Variants in SMCP observed in about 807,000 individuals in gnomAD.
SMCP encodes sperm mitochondrial-associated cysteine-rich protein.
For missense variants in SMCP, 137 were observed against 137.1 expected, an observed-to-expected ratio of 1.00 and a Z score of 0.01; for synonymous variants, 41 against 46.9, an observed-to-expected ratio of 0.87 and a Z score of 0.51.
At chr1:152,881,822 G>T (rs1649064036) in intron 1 of SMCP, among the ~76,000 whole-genome samples, 1 of 152,212 alleles carries the variant, frequency 6.6e-6, no homozygotes, top group Non-Finnish European at 1.5e-5. Context: ...AAGGCAAAGG[G>T]GAAGGACCTT....
chr1:152,884,368 T>C (rs1271555923), intron 1 of SMCP, 35 bp from the exon 2 acceptor site: 2 of 1,561,214 alleles, frequency 1.3e-6, no homozygotes, highest in African/African-American at 1.4e-5. Context: ...GCACCCAGAT[T>C]TCCTTCTGAT....
chr1:152,879,401 A>G (rs1648966565), intron 1 of SMCP, among the ~76,000 whole-genome samples: 1 of 152,000 alleles, frequency 6.6e-6, no homozygotes, highest in Non-Finnish European at 1.5e-5. Context: ...TTGTATTTTC[A>G]GTAGAGATGG....
chr1:152,880,394 A>G (rs964722368), intron 1 of SMCP, among the ~76,000 whole-genome samples: 4 of 152,148 alleles, frequency 2.6e-5, no homozygotes, highest in Admixed American at 2.0e-4. Context: ...TTCCTGTCAA[A>G]CAGCTTTGAA....
In SMCP at chr1:152,878,597, A is replaced by G. The variant is rs2101621213; in HGVS notation, c.-21+151A>G. Among the ~76,000 whole-genome samples the G allele has an allele frequency of 1.3e-5, 2 of 152,344 alleles. 1 individual carries two copies. Among genetic ancestry groups the G allele is most frequent in the Middle Eastern group, 6.8e-3 (2 of 294 alleles). The stretch of plus-strand genomic sequence containing the variant: ...CCAGGATTCATCCTATCTTTCAGGA[A>G]AAAGCTCCTGCTTCTATTTAAGAGG... On this transcript the variant is annotated intron_variant, in intron 1 of 1. Transcript: ENST00000368765.
chr1:152,880,029 A>G (rs531345493), intron 1 of SMCP, among the ~76,000 whole-genome samples: 1 of 152,280 alleles, frequency 6.6e-6, no homozygotes, highest in East Asian at 1.9e-4. Context: ...TGGTCAATTC[A>G]GGGCACTGAC....
chr1:152,879,625 A>C (rs560469661), intron 1 of SMCP, among the ~76,000 whole-genome samples: 3 of 152,294 alleles, frequency 2.0e-5, no homozygotes, highest in African/African-American at 7.2e-5. Flanking sequence ...TATAGATACT[A>C]TTCACCAGGC....
intron 1 of SMCP, among the ~76,000 whole-genome samples, chr1:152,882,659 G>GCACA (rs143397836): frequency 0.036 from 5,328 of 150,062 alleles, 294 homozygotes; most frequent in African/African-American, 0.12. Context: ...GCACTTAGGT[G>GCACA]CACACACACA....
Position 152,881,865 on chromosome 1 carries a change from C to G in SMCP, c.-20-2538C>G, listed in dbSNP as rs527906596. Among the ~76,000 whole-genome samples the G allele has an allele frequency of 4.5e-4, 69 of 152,296 alleles. 2 individuals are homozygous for G. The South Asian group carries it at 0.014, about 30-fold the overall frequency. On this transcript the variant is annotated intron_variant, in intron 1 of 1. Coordinates refer to ENST00000368765, the MANE Select transcript of SMCP (RefSeq NM_030663.3). ...TAGTGGTGGGAGAGAGAAGTAAGAA[C>G]AGGGGAAATGTCAGATGCTTATAAA...
At chr1:152,881,173 G>A (rs1392141944) in intron 1 of SMCP, among the ~76,000 whole-genome samples, 1 of 152,022 alleles carries the variant, frequency 6.6e-6, no homozygotes, top group Non-Finnish European at 1.5e-5. Flanking sequence ...TGAATCCCCA[G>A]ATAAAAAAGG....
chr1:152,884,774 G>C lies in SMCP; in HGVS notation c.*1G>C, dbSNP rs1490831936. On this transcript the variant is annotated 3_prime_UTR_variant, in exon 2 of 2. Transcript: ENST00000368765. ...AAATGAGTCCAGGCCAAGCAAATGA[G>C]AGCAGAAGAAGTCAAACAAAGAAGA... 1.9e-6 allele frequency: 3 copies of C among 1,611,710 alleles called. No individual in the cohort carries two copies. The highest frequency in any genetic ancestry group is 4.5e-5 in the East Asian group (2 of 44,826).
At chr1:152,879,162 G>A (rs1421291366) in intron 1 of SMCP, among the ~76,000 whole-genome samples, 1 of 152,220 alleles carries the variant, frequency 6.6e-6, no homozygotes. Flanking sequence ...GCTGTGCACA[G>A]CATGGTTGGG....
intron 1 of SMCP, among the ~76,000 whole-genome samples, chr1:152,883,405 G>T (rs996526396): frequency 1.3e-5 from 2 of 152,222 alleles, no homozygotes; most frequent in African/African-American, 4.8e-5. Context: ...CTCATCATGT[G>T]CCATAGGAGG....
chr1:152,883,310 T>C (rs1649112822), intron 1 of SMCP, among the ~76,000 whole-genome samples: 1 of 152,186 alleles, frequency 6.6e-6, no homozygotes, highest in Non-Finnish European at 1.5e-5. Flanking sequence ...GGAGGCTAGA[T>C]AACAACCTGC....
intron 1 of SMCP, among the ~76,000 whole-genome samples, chr1:152,880,764 T>G (rs1017801339): frequency 1.3e-5 from 2 of 151,948 alleles, no homozygotes; most frequent in African/African-American, 4.8e-5. Flanking sequence ...AAAGCCAACA[T>G]CCTAACCCAA....
intron 1 of SMCP, among the ~76,000 whole-genome samples, chr1:152,884,051 G>A (rs566448056): frequency 2.4e-4 from 36 of 152,316 alleles, no homozygotes; most frequent in African/African-American, 2.2e-4. Context: ...GCTGGTAGCC[G>A]TTATAACATT....
chr1:152,882,264 T>C (rs753597064), intron 1 of SMCP, among the ~76,000 whole-genome samples: 7 of 152,122 alleles, frequency 4.6e-5, no homozygotes, highest in Non-Finnish European at 1.0e-4. Context: ...AGCCACTGTG[T>C]CCGGCCCTCC....
At chr1:152,879,721 C>A (rs1290680509) in intron 1 of SMCP, among the ~76,000 whole-genome samples, 1 of 152,162 alleles carries the variant, frequency 6.6e-6, no homozygotes, top group Non-Finnish European at 1.5e-5. Flanking sequence ...CTTGATGTTG[C>A]CCTCCCTATG....
intron 1 of SMCP, among the ~76,000 whole-genome samples, chr1:152,883,661 T>C (rs961681769): frequency 9.9e-5 from 15 of 151,954 alleles, no homozygotes; most frequent in Non-Finnish European, 1.5e-5. Context: ...ACTGCCCCTT[T>C]ATAGAGGAAG....
intron 1 of SMCP, among the ~76,000 whole-genome samples, chr1:152,882,153 T>C (rs1649073184): frequency 6.6e-6 from 1 of 152,128 alleles, no homozygotes; most frequent in Non-Finnish European, 1.5e-5. Context: ...CTATTTTTTG[T>C]AGAGACAGGG....
Sources: gnomAD v4.1 joint callset for allele counts (sites outside exome capture counted in the v4.1 genomes callset) on GRCh38, gnomAD v4.1.1 for gene constraint, MANE v1.5 for transcripts, NCBI Gene and HGNC (gene_info 2026-07-23, HGNC 2026-07-21) for gene names.